Variants in RCAN2 observed in about 807,000 individuals in gnomAD.
RCAN2 encodes the protein regulator of calcineurin 2.
In RCAN2, 9 loss-of-function variants were observed where a neutral mutation model predicts 23.6. That is an observed-to-expected ratio of 0.38 (90% CI 0.23 to 0.67). RCAN2 has a LOEUF of 0.67. RCAN2 is among the 30% of genes least tolerant of loss of function. RCAN2 has a pLI of 0.51. For synonymous variants in RCAN2, 109 were observed against 115.7 expected, an observed-to-expected ratio of 0.94 and a Z score of 0.37; for missense variants, 273 against 302.3, an observed-to-expected ratio of 0.90 and a Z score of 0.72.
chr6:46,264,729 G>A (rs1035774497), intron 2 of RCAN2, among the ~76,000 whole-genome samples: 3 of 152,188 alleles, frequency 2.0e-5, no homozygotes, highest in Admixed American at 6.5e-5. Context: ...AAACAAAACC[G>A]ACTCTTCGGC....
intron 2 of RCAN2, among the ~76,000 whole-genome samples, chr6:46,383,259 G>A (rs988495882): frequency 6.6e-6 from 1 of 151,090 alleles, no homozygotes; most frequent in Non-Finnish European, 1.5e-5. Context: ...GGAGGAGGAG[G>A]CATTTGAAGT....
At chr6:46,335,367 C>T (rs1352189440) in intron 2 of RCAN2, among the ~76,000 whole-genome samples, 1 of 152,158 alleles carries the variant, frequency 6.6e-6, no homozygotes, top group Non-Finnish European at 1.5e-5. Flanking sequence ...AATATGCTAG[C>T]ATTATCCCAA....
chr6:46,321,408 T>C (rs1763614175), intron 2 of RCAN2, among the ~76,000 whole-genome samples: 1 of 152,246 alleles, frequency 6.6e-6, no homozygotes, highest in East Asian at 1.9e-4. Flanking sequence ...ACACATGTTT[T>C]TGAATGAATG....
At chr6:46,491,118 C>A (rs1011380256) in intron 1 of RCAN2, 55 bp downstream of exon 1, 2 of 151,082 alleles carry the variant, frequency 1.3e-5, no homozygotes, top group African/African-American at 2.4e-5. Context: ...CTGCTGTCAG[C>A]CCCGGCGGGA....
chr6:46,273,969 G>A (rs1055284772), intron 2 of RCAN2, among the ~76,000 whole-genome samples: 1 of 152,088 alleles, frequency 6.6e-6, no homozygotes, highest in South Asian at 2.1e-4. Flanking sequence ...GAAAGGCTGG[G>A]TACATAAGAT....
intron 2 of RCAN2, among the ~76,000 whole-genome samples, chr6:46,307,720 C>T (rs9463201): frequency 0.026 from 3,882 of 152,028 alleles, 164 homozygotes; most frequent in African/African-American, 0.085. Flanking sequence ...AGAAAACAAG[C>T]GCTATTGATG....
At chr6:46,480,217 C>T (rs1208323537) in intron 1 of RCAN2, among the ~76,000 whole-genome samples, 1 of 152,200 alleles carries the variant, frequency 6.6e-6, no homozygotes, top group Admixed American at 6.5e-5. Context: ...CTCAACCTTC[C>T]TGATCCTCAG....
chr6:46,419,620 T>G (rs1404300955), intron 2 of RCAN2, among the ~76,000 whole-genome samples: 7 of 152,324 alleles, frequency 4.6e-5, no homozygotes, highest in Non-Finnish European at 7.4e-5. Flanking sequence ...AATTTAGTAT[T>G]ACTTCTATTT....
chr6:46,320,513 ATAGAC>A (rs1763579442), intron 2 of RCAN2, among the ~76,000 whole-genome samples: 1 of 152,234 alleles, frequency 6.6e-6, no homozygotes, highest in Non-Finnish European at 1.5e-5. Flanking sequence ...CATAAAACAA[ATAGAC>A]TCTGACTCAG....
chr6:46,351,811 G>A (rs764375383), intron 2 of RCAN2, among the ~76,000 whole-genome samples: 2 of 152,168 alleles, frequency 1.3e-5, no homozygotes, highest in Non-Finnish European at 2.9e-5. Context: ...GTTGGGAAGC[G>A]AGGAAATTGA....
chr6:46,288,523 G>A (rs532923910), intron 2 of RCAN2, among the ~76,000 whole-genome samples: 87 of 152,200 alleles, frequency 5.7e-4, no homozygotes, highest in Non-Finnish European at 8.8e-4. Context: ...TCAACCTATG[G>A]ATGATTTGAG....
intron 2 of RCAN2, chr6:46,325,438 A>C (rs1314015480): frequency 5.6e-6 from 9 of 1,614,070 alleles, no homozygotes; most frequent in Non-Finnish European, 6.8e-6. Context: ...CCACACAGGC[A>C]ACCAGAGTGG....
chr6:46,347,864 T>C (rs946080033), intron 2 of RCAN2, among the ~76,000 whole-genome samples: 1 of 152,248 alleles, frequency 6.6e-6, no homozygotes, highest in African/African-American at 2.4e-5. Flanking sequence ...GTTGACTCAC[T>C]AAGAGATATC....
At chr6:46,453,706 A>G (rs1767944946) in intron 2 of RCAN2, among the ~76,000 whole-genome samples, 2 of 152,332 alleles carry the variant, frequency 1.3e-5, no homozygotes, top group South Asian at 4.1e-4. Flanking sequence ...ATGTAGGAAA[A>G]TAGAGAAGAG....
intron 4 of RCAN2, 32 bp from the exon 5 acceptor site, chr6:46,223,333 A>AG (rs778134959): frequency 5.6e-6 from 9 of 1,602,666 alleles, no homozygotes; most frequent in Non-Finnish European, 7.7e-6. Flanking sequence ...AGTGAGAAAG[A>AG]GGGGGGGATT....
chr6:46,437,394 A>G (rs2150420291), intron 2 of RCAN2, among the ~76,000 whole-genome samples: 1 of 152,354 alleles, frequency 6.6e-6, no homozygotes, highest in Admixed American at 6.5e-5. Flanking sequence ...AGGGATCTAT[A>G]GTCACTTAAT....
At chr6:46,383,793 T>C (rs79766797) in intron 2 of RCAN2, among the ~76,000 whole-genome samples, 2,577 of 152,312 alleles carry the variant, frequency 0.017, 71 homozygotes, top group African/African-American at 0.054. Context: ...TGATGGGCAG[T>C]ACTATTCTGG....
At chr6:46,401,118 A>G (rs1766235789) in intron 2 of RCAN2, among the ~76,000 whole-genome samples, 1 of 152,212 alleles carries the variant, frequency 6.6e-6, no homozygotes, top group African/African-American at 2.4e-5. Context: ...GACCCAGATG[A>G]GGAGCCCAAT....
In RCAN2 at chr6:46,248,763, G is replaced by A; in HGVS notation, c.359C>T (p.Thr120Ile). ...AARARIELHE[T>I]QFRGKKLKLY... ...CTTTAATTTTTTCCCTCTGAATTGG[G>A]TTTCATGAAGCTCTATCCTAGCTCG... Residue 120 changes from threonine (T) to isoleucine (I), a missense_variant, in exon 3 of 5, where the codon ACC becomes ATC. By Grantham distance (89) the Thr-to-Ile change is moderately conservative (BLOSUM62 -1). Transcript: ENST00000371374. 6.2e-7 allele frequency: 1 copy of A among 1,612,554 alleles called. No individual in the cohort carries two copies. The highest frequency in any genetic ancestry group is 8.5e-7 in the Non-Finnish European group (1 of 1,179,434).
Sources: gnomAD v4.1 joint callset for allele counts (sites outside exome capture counted in the v4.1 genomes callset) on GRCh38, gnomAD v4.1.1 for gene constraint, MANE v1.5 for transcripts, NCBI Gene and HGNC (gene_info 2026-07-23, HGNC 2026-07-21) for gene names.